COL13A1: variants seen among roughly 807,000 people sequenced by gnomAD.
COL13A1 encodes collagen type XIII alpha 1 chain, also known as collagen alpha-1(XIII) chain.
Under a neutral mutation model 130.9 loss-of-function variants are expected in COL13A1, and 89 were observed. The ratio of observed to expected loss-of-function variants is 0.68; its 90% CI spans 0.57 to 0.81. The LOEUF (loss-of-function observed/expected upper bound fraction) is 0.81. Ranked by LOEUF, COL13A1 falls within the 30% of genes least tolerant of loss-of-function variation. The pLI, the probability that COL13A1 is intolerant of heterozygous loss-of-function variation, is 0.00. For synonymous variants in COL13A1, 402 were observed against 341.6 expected (o/e 1.18, Z -1.95); for missense variants, 879 against 934.6 (o/e 0.94, Z 0.78).
chr10:69,948,962 C>G (rs2068961942), intron 38 of COL13A1, among the ~76,000 whole-genome samples: 1 of 152,224 alleles, frequency 6.6e-6, no homozygotes, highest in Non-Finnish European at 1.5e-5. Context: ...CCTCCATCCC[C>G]TTTACAAATT....
chr10:69,802,456 C>A lies in COL13A1; in HGVS notation c.33C>A (p.Ala11=). The change falls in exon 1 of 41, where the codon GCC becomes GCA. Residue 11 remains alanine (A), a synonymous_variant. Coordinates refer to ENST00000645393, the MANE Select transcript of COL13A1 (RefSeq NM_001368882.1). ...CGGAGCGCACCCACAAAGCGGCAGC[C>A]ACCGGTGCCCGCGGCCCTGGGGAGT... The part of the protein sequence containing the change: MVAERTHKAA[A]TGARGPGELG... 6.6e-7 allele frequency: 1 copy of A among 1,505,048 alleles called. No homozygotes were observed. Among genetic ancestry groups the A allele is most frequent in the Non-Finnish European group, 8.8e-7 (1 of 1,132,426 alleles). The allele number at this position is 1,505,048 out of a possible 1,614,324, so 93.2% of individuals were successfully genotyped here.
At chr10:69,812,839 C>T (rs1843405861) in intron 1 of COL13A1, among the ~76,000 whole-genome samples, 1 of 152,224 alleles carries the variant, frequency 6.6e-6, no homozygotes, top group Admixed American at 6.5e-5. Flanking sequence ...TCAGCCTCTC[C>T]CCTGTGCCTG....
intron 1 of COL13A1, among the ~76,000 whole-genome samples, chr10:69,805,247 G>A (rs1226018458): frequency 1.3e-5 from 2 of 152,148 alleles, no homozygotes; most frequent in African/African-American, 4.8e-5. Flanking sequence ...GAGTGCTTAC[G>A]GCTGGCAAAG....
chr10:69,945,092 C>G (rs1447938137), intron 36 of COL13A1, among the ~76,000 whole-genome samples: 1 of 152,008 alleles, frequency 6.6e-6, no homozygotes, highest in African/African-American at 2.4e-5. Context: ...TCAGCTCTTC[C>G]CAGCCAGCCC....
chr10:69,955,071 C>T (rs578088448), intron 39 of COL13A1: 1 of 152,316 alleles, frequency 6.6e-6, no homozygotes, highest in South Asian at 2.1e-4. Context: ...TTTTATCATA[C>T]CAGTAATAAG....
At chr10:69,937,057 C>G (rs763099687) in intron 33 of COL13A1, among the ~76,000 whole-genome samples, 16 of 152,212 alleles carry the variant, frequency 1.1e-4, no homozygotes, top group Non-Finnish European at 2.4e-4. Context: ...CAAACCTGCC[C>G]TGGCCCCTTC....
At chr10:69,812,099 C>T (rs573458080) in intron 1 of COL13A1, among the ~76,000 whole-genome samples, 28 of 152,336 alleles carry the variant, frequency 1.8e-4, no homozygotes, top group Admixed American at 1.4e-3. Context: ...GTAATCACGC[C>T]GTCTCCTGAT....
Position 69,897,772 on chromosome 10 carries a change from G to A in COL13A1, c.685-925G>A, listed in dbSNP as rs571391611. On this transcript the variant is annotated intron_variant, in intron 13 of 40. Transcript: ENST00000645393. ...TCTTAACACTCATCCCAGGAGTCTC[G>A]TGTGATTTAAGCGCTTTCAAAAACA... Among the ~76,000 whole-genome samples the A allele has an allele frequency of 3.3e-5, 5 of 152,286 alleles. No individual in the cohort carries two copies. Among genetic ancestry groups the A allele is most frequent in the African/African-American group, 9.6e-5 (4 of 41,564 alleles).
At chr10:69,859,782 G>A (rs993919905) in intron 2 of COL13A1, among the ~76,000 whole-genome samples, 8 of 152,242 alleles carry the variant, frequency 5.3e-5, no homozygotes, top group South Asian at 2.1e-4. Flanking sequence ...GGCTGCAGCC[G>A]GAGGAGACTG....
rs761898875 is a variant in COL13A1, at chr10:69,894,573, C to G, written c.625C>G (p.Gln209Glu). Residue 209 changes from glutamine (Q) to glutamate (E), a missense_variant, in exon 11 of 41, where the codon CAG becomes GAG. Physicochemically the swap from Gln to Glu is conservative, Grantham distance 29. Coordinates refer to ENST00000645393, the MANE Select transcript of COL13A1 (RefSeq NM_001368882.1). The part of the protein sequence containing the change: ...GDMGLTGPPG[Q>E]PGPQGQKGEK... ...ACAGGGTCTGACGGGTCCCCCAGGA[C>G]AGCCGGTTGGTACCTCATCCATCTA... is the stretch of plus-strand genomic sequence containing the variant. 6.2e-7 allele frequency: 1 copy of G among 1,613,920 alleles called. No individual in the cohort carries two copies. Among genetic ancestry groups the G allele is most frequent in the Non-Finnish European group, 8.5e-7 (1 of 1,179,902 alleles).
intron 2 of COL13A1, among the ~76,000 whole-genome samples, chr10:69,857,184 G>A (rs996975938): frequency 1.3e-5 from 2 of 152,186 alleles, no homozygotes; most frequent in African/African-American, 2.4e-5. Context: ...CAGGACTTAC[G>A]ATTCTGACCC....
intron 34 of COL13A1, among the ~76,000 whole-genome samples, chr10:69,940,568 G>T (rs2067481616): frequency 6.6e-6 from 1 of 152,166 alleles, no homozygotes; most frequent in African/African-American, 2.4e-5. Context: ...CTCACCTGGG[G>T]CCCCTCCCCA....
At chr10:69,806,523 C>T (rs1021258528) in intron 1 of COL13A1, among the ~76,000 whole-genome samples, 2 of 152,222 alleles carry the variant, frequency 1.3e-5, no homozygotes, top group African/African-American at 4.8e-5. Flanking sequence ...TTCCAGACCT[C>T]AGGCCCCAGC....
At chr10:69,902,634 A>G in intron 14 of COL13A1, 114 bp from the exon 15 acceptor site, 1 of 781,110 alleles carries the variant, frequency 1.3e-6, no homozygotes, top group Non-Finnish European at 2.0e-6. Context: ...CCCCATCACC[A>G]CTCCTTCCCG....
intron 1 of COL13A1, among the ~76,000 whole-genome samples, chr10:69,817,375 C>T (rs768084568): frequency 5.9e-4 from 89 of 151,180 alleles, no homozygotes; most frequent in Non-Finnish European, 8.8e-4. Flanking sequence ...TGGAAGCCCT[C>T]TTCTGCTTGC....
Position 69,834,388 on chromosome 10 carries a change from G to C in COL13A1, c.364+11950G>C, listed in dbSNP as rs1023324126. Among the ~76,000 whole-genome samples, 16 of 152,302 alleles carry C rather than the reference G, an allele frequency of 1.1e-4. No homozygotes were observed. In the East Asian group the frequency reaches 3.1e-3, roughly 29 times the overall value. ...AGCAGGTGAGGGGAGTAACGAGAGG[G>C]AGGTTGCAGAGGTAACATTAGCAAG... On this transcript the variant is annotated intron_variant, in intron 2 of 40. Coordinates refer to ENST00000645393, the MANE Select transcript of COL13A1 (RefSeq NM_001368882.1).
chr10:69,808,316 TCTGGAAAGCCTC>T (rs1842096283), intron 1 of COL13A1, among the ~76,000 whole-genome samples: 1 of 152,224 alleles, frequency 6.6e-6, no homozygotes, highest in Non-Finnish European at 1.5e-5. Flanking sequence ...CCCACTGCTC[TCTGGAAAGCCTC>T]CTCGAACCAC....
chr10:69,830,976 A>G (rs780457260), intron 2 of COL13A1, among the ~76,000 whole-genome samples: 22 of 152,170 alleles, frequency 1.4e-4, no homozygotes, highest in Non-Finnish European at 2.8e-4. Context: ...AATGTTTTCA[A>G]GGTTTATCCA....
At chr10:69,897,704 C>T (rs1416368191) in intron 13 of COL13A1, among the ~76,000 whole-genome samples, 1 of 152,206 alleles carries the variant, frequency 6.6e-6, no homozygotes, top group Admixed American at 6.5e-5. Context: ...CTTGGGCTCC[C>T]CATCCCCAGC....
Sources: allele counts gnomAD v4.1 joint callset (sites outside exome capture counted in the v4.1 genomes callset), GRCh38; gene constraint gnomAD v4.1.1; transcripts MANE v1.5; gene names NCBI Gene and HGNC (gene_info 2026-07-23, HGNC 2026-07-21).